Variants in CDH18 observed in about 807,000 individuals in gnomAD.
CDH18 encodes cadherin 18, also known as cadherin-18.
CDH18 carries 31 observed loss-of-function variants against 67.9 expected under a neutral mutation model. The ratio of observed to expected loss-of-function variants is 0.46; its 90% CI spans 0.34 to 0.62. The LOEUF (loss-of-function observed/expected upper bound fraction) is 0.62. Ranked by LOEUF, CDH18 falls within the 20% of genes least tolerant of loss-of-function variation. CDH18 has a pLI of 0.01. For missense variants in CDH18, 890 were observed against 975.5 expected, an observed-to-expected ratio of 0.91 and a Z score of 1.17; for synonymous variants, 362 against 347.2, an observed-to-expected ratio of 1.04 and a Z score of -0.48.
At chr5:19,549,062 A>G (rs1736866141) in intron 8 of CDH18, among the ~76,000 whole-genome samples, 1 of 151,954 alleles carries the variant, frequency 6.6e-6, no homozygotes, top group South Asian at 2.1e-4. Context: ...CTTTGTTTTT[A>G]AAAGGAGAAA....
chr5:19,973,975 G>A (rs928978685), intron 2 of CDH18, among the ~76,000 whole-genome samples: 3 of 152,072 alleles, frequency 2.0e-5, no homozygotes, highest in African/African-American at 7.2e-5. Context: ...TCAATGATTC[G>A]AGAAGGGTAT....
At chr5:19,951,520 T>G (rs1433724268) in intron 2 of CDH18, among the ~76,000 whole-genome samples, 2 of 152,150 alleles carry the variant, frequency 1.3e-5, no homozygotes, top group Non-Finnish European at 2.9e-5. Context: ...TCTATCCAAT[T>G]TGGAACTTGT....
intron 2 of CDH18, among the ~76,000 whole-genome samples, chr5:20,228,902 A>G (rs1741846753): frequency 6.6e-6 from 1 of 152,108 alleles, no homozygotes; most frequent in Non-Finnish European, 1.5e-5. Flanking sequence ...AACAGAATGG[A>G]CATCAGTCTT....
rs77526136 is a variant in CDH18 at position 20,207,403 on chromosome 5, C to A, written c.-518+48041G>T. ...AATATTGTTAAAATAACAATAATACCTGTATTAGTCCATTTTCATGCTGCT... is the reference window on the plus strand; with the variant it reads ...AATATTGTTAAAATAACAATAATACATGTATTAGTCCATTTTCATGCTGCT... On this transcript the variant is annotated intron_variant, in intron 2 of 14. Transcript: ENST00000507958. Among the ~76,000 whole-genome samples the A allele has an allele frequency of 1.6e-4, 25 of 151,914 alleles. No homozygotes were observed. In the East Asian group the frequency reaches 4.8e-3, roughly 29 times the overall value.
intron 2 of CDH18, among the ~76,000 whole-genome samples, chr5:20,170,400 C>T (rs1044642936): frequency 3.3e-5 from 5 of 151,990 alleles, no homozygotes; most frequent in Non-Finnish European, 7.4e-5. Flanking sequence ...TGTATATGTA[C>T]CACATTTTCT....
rs191740666 is a variant in CDH18, at chr5:19,893,327, C to T, written c.-256-54085G>A. ...ATATTTGTGTATGTTAATATTGATA[C>T]AAATTGTGTTAATAAGTACACTAGA... On this transcript the variant is annotated intron_variant, in intron 2 of 12. Coordinates refer to ENST00000382275, the MANE Select transcript of CDH18 (RefSeq NM_004934.5). 2.6e-5 allele frequency among the ~76,000 whole-genome samples: 4 copies of T among 152,224 alleles called. No homozygotes were observed. The East Asian group carries it at 5.8e-4, about 22-fold the overall frequency.
chr5:20,172,242 A>ATATATATATATATATGTG (rs1736889045), intron 2 of CDH18, among the ~76,000 whole-genome samples: 3,259 of 56,344 alleles, frequency 0.058, 482 homozygotes, highest in Non-Finnish European at 0.071. Context: ...ATATATATGT[A>ATATATATATATATATGTG]TATATATATA....
chr5:19,699,472 C>T (rs929927638), intron 5 of CDH18, among the ~76,000 whole-genome samples: 1 of 152,068 alleles, frequency 6.6e-6, no homozygotes, highest in Non-Finnish European at 1.5e-5. Flanking sequence ...TAAGTTAAAT[C>T]CCTAATCCCC....
chr5:20,164,695 C>A (rs1736153067), intron 2 of CDH18, among the ~76,000 whole-genome samples: 1 of 152,126 alleles, frequency 6.6e-6, no homozygotes, highest in Non-Finnish European at 1.5e-5. Flanking sequence ...AAGAATCATT[C>A]TCAAAGTTTT....
chr5:20,126,827 T>A (rs929373414), intron 2 of CDH18, among the ~76,000 whole-genome samples: 1 of 152,204 alleles, frequency 6.6e-6, no homozygotes, highest in Non-Finnish European at 1.5e-5. Context: ...GCTTGCCTAG[T>A]AGGCAAATTG....
At chr5:19,707,590 C>T (rs1764134656) in intron 5 of CDH18, among the ~76,000 whole-genome samples, 1 of 152,182 alleles carries the variant, frequency 6.6e-6, no homozygotes, top group African/African-American at 2.4e-5. Context: ...ATTTGAACAT[C>T]TGCCTATCTG....
intron 1 of CDH18, among the ~76,000 whole-genome samples, chr5:20,369,696 G>A (rs542079827): frequency 6.6e-6 from 1 of 152,224 alleles, no homozygotes; most frequent in South Asian, 2.1e-4. Context: ...AACATTCTCT[G>A]CCTTGCATAT....
At chr5:20,473,424 AT>A (rs1460221761) in intron 1 of CDH18, among the ~76,000 whole-genome samples, 3 of 148,010 alleles carry the variant, frequency 2.0e-5, no homozygotes, top group African/African-American at 5.3e-5. Context: ...TTTTCTAGAT[AT>A]TTTTTCAGGT....
chr5:20,556,208 A>G (rs1288211767), intron 1 of CDH18, among the ~76,000 whole-genome samples: 1 of 152,194 alleles, frequency 6.6e-6, no homozygotes, highest in Non-Finnish European at 1.5e-5. Context: ...AAGAGCAGTT[A>G]AATATGCCTC....
At chr5:19,527,129 T>C (rs1356824693) in intron 9 of CDH18, among the ~76,000 whole-genome samples, 1 of 151,902 alleles carries the variant, frequency 6.6e-6, no homozygotes, top group Non-Finnish European at 1.5e-5. Flanking sequence ...TGTTAACAAA[T>C]ATGTTTCCAT....
intron 2 of CDH18, among the ~76,000 whole-genome samples, chr5:20,247,857 C>T (rs2388306): frequency 0.3 from 45,393 of 151,474 alleles, 7,450 homozygotes; most frequent in Non-Finnish European, 0.37. Context: ...TAGATAGTAG[C>T]TAAATAATTA....
chr5:19,562,832 T>C (rs1163704182), intron 8 of CDH18, among the ~76,000 whole-genome samples: 2 of 152,180 alleles, frequency 1.3e-5, no homozygotes, highest in African/African-American at 4.8e-5. Flanking sequence ...GAAGGAAAGA[T>C]GGGGCATATA....
At chr5:20,568,336 C>A (rs948614159) in intron 1 of CDH18, among the ~76,000 whole-genome samples, 2 of 152,076 alleles carry the variant, frequency 1.3e-5, no homozygotes, top group African/African-American at 4.8e-5. Flanking sequence ...CTTTAGTATT[C>A]TCAGTGATAA....
chr5:19,618,093 C>A (rs923423071), intron 5 of CDH18, among the ~76,000 whole-genome samples: 1 of 152,108 alleles, frequency 6.6e-6, no homozygotes, highest in African/African-American at 2.4e-5. Flanking sequence ...AATAAACAAG[C>A]CTGCACATTT....
Sources: allele counts gnomAD v4.1 joint callset (sites outside exome capture counted in the v4.1 genomes callset), GRCh38; gene constraint gnomAD v4.1.1; transcripts MANE v1.5; gene names NCBI Gene and HGNC (gene_info 2026-07-23, HGNC 2026-07-21).